Variants in NUDCD1 observed in about 807,000 individuals in gnomAD.
NUDCD1 encodes the protein nudC domain-containing protein 1.
In NUDCD1, 60 loss-of-function variants were observed where a neutral mutation model predicts 67.8. The observed-to-expected ratio is 0.88, with a 90% CI of 0.72 to 1.10. The LOEUF (loss-of-function observed/expected upper bound fraction) is 1.10, where lower values mean the gene tolerates loss of function less well. Among genes scored for constraint, NUDCD1 ranks in the 50% least tolerant of loss-of-function variants. NUDCD1 has a pLI of 0.00. For synonymous variants in NUDCD1, 244 were observed against 230.8 expected (o/e 1.06, Z -0.52); for missense variants, 643 against 695.0 (o/e 0.93, Z 0.84).
At chr8:109,320,581 T>C (rs369827532) in intron 2 of NUDCD1, among the ~76,000 whole-genome samples, 13 of 152,282 alleles carry the variant, frequency 8.5e-5, no homozygotes, top group African/African-American at 3.1e-4. Context: ...AATGCAATTA[T>C]TACAGGGTCC....
chr8:109,284,983 T>C (rs1814540308), intron 5 of NUDCD1, among the ~76,000 whole-genome samples: 1 of 132,384 alleles, frequency 7.6e-6, no homozygotes, highest in Non-Finnish European at 1.6e-5. Flanking sequence ...AAAGGTAACA[T>C]TACAACCAAT....
intron 8 of NUDCD1, among the ~76,000 whole-genome samples, chr8:109,254,941 G>C (rs1397593508): frequency 6.6e-6 from 1 of 152,094 alleles, no homozygotes; most frequent in East Asian, 1.9e-4. Context: ...TATGCATCAA[G>C]TATTTAGCTG....
chr8:109,301,815 G>A (rs1280011986), intron 2 of NUDCD1, among the ~76,000 whole-genome samples: 1 of 152,250 alleles, frequency 6.6e-6, no homozygotes, highest in African/African-American at 2.4e-5. Flanking sequence ...TCATGGACTC[G>A]GGAAGACAGT....
At chr8:109,246,088 T>G (rs913881841) in intron 8 of NUDCD1, among the ~76,000 whole-genome samples, 6 of 152,118 alleles carry the variant, frequency 3.9e-5, no homozygotes, top group Non-Finnish European at 7.4e-5. Flanking sequence ...CCTGAAACCA[T>G]CCACCAAGCC....
chr8:109,334,071 CG>C lies in NUDCD1; in HGVS notation c.-62del, dbSNP rs1815889117. The C allele has an allele frequency of 6.2e-7, 1 of 1,606,724 alleles. No individual in the cohort carries two copies. Among genetic ancestry groups the C allele is most frequent in the Non-Finnish European group, 8.5e-7 (1 of 1,175,708 alleles). ...CCCTTGTTGAAAGGTCCGCGCTTCA[CG>C]CCTCGCACAGAGACTGGGAAGCGGC... is the stretch of plus-strand genomic sequence containing the variant. On this transcript the variant is annotated 5_prime_UTR_variant, in exon 1 of 10. Coordinates refer to ENST00000239690, the MANE Select transcript of NUDCD1 (RefSeq NM_032869.4).
intron 1 of NUDCD1, among the ~76,000 whole-genome samples, chr8:109,333,264 AAAATGCCGTT>A (rs1231196769): frequency 1.3e-5 from 2 of 152,208 alleles, no homozygotes; most frequent in Non-Finnish European, 2.9e-5. Context: ...TATCATAACG[AAAATGCCGTT>A]AAGTTGTAAA....
intron 4 of NUDCD1, among the ~76,000 whole-genome samples, 162 bp downstream of exon 4, chr8:109,293,182 G>A (rs1814749320): frequency 6.6e-6 from 1 of 151,974 alleles, no homozygotes. Context: ...TATACCTGAG[G>A]AAAAACTATC....
chr8:109,283,020 G>T (rs1020656053), intron 5 of NUDCD1, among the ~76,000 whole-genome samples: 1 of 151,960 alleles, frequency 6.6e-6, no homozygotes, highest in Non-Finnish European at 1.5e-5. Context: ...CAAGATCTAA[G>T]ACAAAATTGA....
At chr8:109,280,924 A>G in intron 6 of NUDCD1, 44 bp downstream of exon 6, 1 of 958,978 alleles carries the variant, frequency 1.0e-6, no homozygotes, top group Non-Finnish European at 1.5e-6. Flanking sequence ...AAAAGAAAAG[A>G]AAAAAAGATA....
chr8:109,275,549 T>C (rs930425443), intron 6 of NUDCD1, 53 bp from the exon 7 acceptor site: 6 of 1,463,148 alleles, frequency 4.1e-6, no homozygotes, highest in Admixed American at 3.6e-5. Context: ...ATACAAATTA[T>C]ACAATCAGTA....
chr8:109,271,167 CA>C (rs752694084), intron 7 of NUDCD1, 37 bp from the exon 8 acceptor site: 1 of 1,396,852 alleles, frequency 7.2e-7, no homozygotes, highest in Non-Finnish European at 9.8e-7. Context: ...ATAAGTAAAA[CA>C]AATAAACAAG....
intron 1 of NUDCD1, among the ~76,000 whole-genome samples, chr8:109,324,850 G>A (rs1220884193): frequency 1.3e-5 from 2 of 152,204 alleles, no homozygotes; most frequent in African/African-American, 4.8e-5. Context: ...ACTTTGGGAG[G>A]CCAAGGCGGG....
chr8:109,305,890 C>A (rs896208452), intron 2 of NUDCD1, among the ~76,000 whole-genome samples: 1 of 152,124 alleles, frequency 6.6e-6, no homozygotes, highest in Non-Finnish European at 1.5e-5. Context: ...TCCTGGAAGT[C>A]GCAAGTACTC....
chr8:109,250,166 TTC>T (rs1489712987), intron 8 of NUDCD1, among the ~76,000 whole-genome samples: 2 of 152,164 alleles, frequency 1.3e-5, no homozygotes, highest in Non-Finnish European at 2.9e-5. Flanking sequence ...AATTCTTTAC[TTC>T]TTTCTGTATG....
At chr8:109,278,568 T>G (rs1814351777) in intron 6 of NUDCD1, among the ~76,000 whole-genome samples, 1 of 152,208 alleles carries the variant, frequency 6.6e-6, no homozygotes, top group African/African-American at 2.4e-5. Context: ...TCAATCTCCC[T>G]ACACCCTAGA....
intron 1 of NUDCD1, among the ~76,000 whole-genome samples, chr8:109,329,441 A>G (rs1815753872): frequency 6.6e-6 from 1 of 152,204 alleles, no homozygotes; most frequent in East Asian, 1.9e-4. Context: ...CTCAAAACCA[A>G]TGTAAAAGAG....
chr8:109,246,784 A>T (rs1351347135), intron 8 of NUDCD1, among the ~76,000 whole-genome samples: 1 of 152,176 alleles, frequency 6.6e-6, no homozygotes, highest in Non-Finnish European at 1.5e-5. Flanking sequence ...TATGTAATTG[A>T]TTCTAGGAGT....
At chr8:109,267,126 T>C (rs75283628) in intron 8 of NUDCD1, among the ~76,000 whole-genome samples, 11,522 of 152,268 alleles carry the variant, frequency 0.076, 666 homozygotes, top group South Asian at 0.22. Context: ...AAAACGCTTA[T>C]AATTTTTAAA....
intron 5 of NUDCD1, among the ~76,000 whole-genome samples, chr8:109,283,543 G>C (rs1473941340): frequency 2.0e-5 from 3 of 152,144 alleles, no homozygotes; most frequent in African/African-American, 7.2e-5. Context: ...CTAAAGAAAA[G>C]AGATTACATA....
Sources: gnomAD v4.1 joint callset for allele counts (sites outside exome capture counted in the v4.1 genomes callset) on GRCh38, gnomAD v4.1.1 for gene constraint, MANE v1.5 for transcripts, NCBI Gene and HGNC (gene_info 2026-07-23, HGNC 2026-07-21) for gene names.